CDH18: variants seen among roughly 807,000 people sequenced by gnomAD.
CDH18 encodes the protein cadherin-18.
CDH18 carries 31 observed loss-of-function variants against 67.9 expected under a neutral mutation model. The ratio of observed to expected loss-of-function variants is 0.46; its 90% CI spans 0.34 to 0.62. The LOEUF (loss-of-function observed/expected upper bound fraction) is 0.62. Ranked by LOEUF, CDH18 falls within the 20% of genes least tolerant of loss-of-function variation. CDH18 has a pLI of 0.01. For synonymous variants in CDH18, 362 were observed against 347.2 expected (o/e 1.04, Z -0.48); for missense variants, 890 against 975.5 (o/e 0.91, Z 1.17).
At chr5:20,209,313 T>C (rs1389963188) in intron 2 of CDH18, among the ~76,000 whole-genome samples, 4 of 152,110 alleles carry the variant, frequency 2.6e-5, no homozygotes, top group South Asian at 2.1e-4. Flanking sequence ...TCATGCTTAT[T>C]GCAGCACTAT....
chr5:19,664,495 C>A (rs1295874483), intron 5 of CDH18, among the ~76,000 whole-genome samples: 1 of 151,690 alleles, frequency 6.6e-6, no homozygotes, highest in Admixed American at 6.6e-5. Flanking sequence ...AACAAACAAA[C>A]AAAAGCCTGA....
chr5:20,561,625 A>AT (rs901506147), intron 1 of CDH18, among the ~76,000 whole-genome samples: 7 of 152,012 alleles, frequency 4.6e-5, no homozygotes, highest in South Asian at 2.1e-4. Context: ...AGCATAGAAG[A>AT]TTTTTTTAGG....
At chr5:20,514,835 T>C (rs1755263066) in intron 1 of CDH18, among the ~76,000 whole-genome samples, 1 of 152,180 alleles carries the variant, frequency 6.6e-6, no homozygotes, top group South Asian at 2.1e-4. Flanking sequence ...TTATTCATCT[T>C]ATTCATCTCC....
intron 2 of CDH18, among the ~76,000 whole-genome samples, chr5:20,097,796 AT>A (rs1270785238): frequency 1.3e-5 from 2 of 152,070 alleles, no homozygotes; most frequent in African/African-American, 4.8e-5. Context: ...TTCGATATCT[AT>A]TTTTAGCATA....
intron 1 of CDH18, among the ~76,000 whole-genome samples, chr5:20,379,433 A>T (rs571948780): frequency 6.6e-6 from 1 of 152,312 alleles, no homozygotes; most frequent in South Asian, 2.1e-4. Flanking sequence ...CAAAAAATAC[A>T]GTCACAACAG....
chr5:19,749,594 TA>T (rs1770567947), intron 3 of CDH18, among the ~76,000 whole-genome samples: 1 of 150,640 alleles, frequency 6.6e-6, no homozygotes. Flanking sequence ...TTATTACAGA[TA>T]CTTAAGGATA....
chr5:19,643,914 G>A (rs1416586607), intron 5 of CDH18, among the ~76,000 whole-genome samples: 6 of 152,078 alleles, frequency 3.9e-5, no homozygotes, highest in Non-Finnish European at 8.8e-5. Flanking sequence ...ATTTCACAAT[G>A]TATACATACA....
intron 2 of CDH18, among the ~76,000 whole-genome samples, chr5:19,933,009 T>A (rs1431480151): frequency 2.0e-5 from 3 of 151,798 alleles, no homozygotes; most frequent in African/African-American, 7.2e-5. Context: ...TAGGTAATAA[T>A]AATACCTAAT....
chr5:20,491,820 C>G (rs1270849590), intron 1 of CDH18, among the ~76,000 whole-genome samples: 1 of 152,170 alleles, frequency 6.6e-6, no homozygotes, highest in Non-Finnish European at 1.5e-5. Flanking sequence ...TATCTGGACA[C>G]TACTGCCTAG....
At chr5:20,505,414 T>C (rs888649421) in intron 1 of CDH18, among the ~76,000 whole-genome samples, 1 of 152,146 alleles carries the variant, frequency 6.6e-6, no homozygotes, top group Admixed American at 6.6e-5. Flanking sequence ...GCAATCTAAC[T>C]TTTTAAATTT....
Position 19,612,501 on chromosome 5 carries a change from A to G in CDH18, c.744T>C (p.Leu248=), listed in dbSNP as rs757988411. 1 of 1,613,912 alleles carries G rather than the reference A, an allele frequency of 6.2e-7. No homozygotes were observed. The part of the protein sequence containing the change: ...AKDMAGQVGG[L]SGSTTVNITL... ...TGATGTTGACTGTTGTAGATCCTGA[A>G]AGCCCTCCAACTTGCCCAGCCATGT... The change falls in exon 6 of 13, where the codon CTT becomes CTC. Residue 248 remains leucine (L), a synonymous_variant. Transcript: ENST00000382275.
intron 1 of CDH18, among the ~76,000 whole-genome samples, chr5:20,368,339 C>G (rs1742688951): frequency 1.3e-5 from 2 of 152,092 alleles, no homozygotes; most frequent in African/African-American, 4.8e-5. Flanking sequence ...TCTAAAGAAT[C>G]ACTATTTGTG....
At chr5:20,201,965 A>C (rs895678654) in intron 2 of CDH18, among the ~76,000 whole-genome samples, 2 of 152,228 alleles carry the variant, frequency 1.3e-5, no homozygotes, top group African/African-American at 4.8e-5. Flanking sequence ...TTGATTCCAG[A>C]AACAGGGAGA....
intron 2 of CDH18, among the ~76,000 whole-genome samples, chr5:19,897,533 A>T (rs1476397164): frequency 6.6e-6 from 1 of 152,156 alleles, no homozygotes; most frequent in Non-Finnish European, 1.5e-5. Flanking sequence ...ACTAAAACTG[A>T]ATATACATAT....
rs540521179 is a variant in CDH18, at chr5:19,683,114, T to A, written c.643+38233A>T. Among the ~76,000 whole-genome samples the A allele has an allele frequency of 1.6e-4, 24 of 152,062 alleles. No individual in the cohort carries two copies. In the East Asian group the frequency reaches 4.1e-3, roughly 26 times the overall value. ...AGTTCAACATATAACTCTATCTATC[T>A]ATCTATCTATCTAGACTTTAAATTT... On this transcript the variant is annotated intron_variant, in intron 5 of 12. Coordinates refer to ENST00000382275, the MANE Select transcript of CDH18 (RefSeq NM_004934.5).
intron 1 of CDH18, among the ~76,000 whole-genome samples, chr5:20,531,038 C>CA (rs1403142815): frequency 6.6e-6 from 1 of 151,916 alleles, no homozygotes; most frequent in South Asian, 2.1e-4. Flanking sequence ...AGCAAATTTA[C>CA]AAAAAATAAA....
chr5:19,490,424 T>C (rs1184222261), intron 11 of CDH18, among the ~76,000 whole-genome samples: 1 of 105,452 alleles, frequency 9.5e-6, no homozygotes, highest in Non-Finnish European at 1.9e-5. Flanking sequence ...TTTTTTTTTT[T>C]TGAGACAGAG....
At chr5:19,758,536 C>T (rs113215802) in intron 3 of CDH18, among the ~76,000 whole-genome samples, 14 of 152,298 alleles carry the variant, frequency 9.2e-5, no homozygotes, top group African/African-American at 3.4e-4. Flanking sequence ...TGTTGCAGAG[C>T]CTTCTCCTGT....
At position 19,968,534 on chromosome 5, in the gene CDH18, C is replaced by T. The variant is rs528194286; in HGVS notation, c.-257+12526G>A. On this transcript the variant is annotated intron_variant, in intron 2 of 12. Transcript: ENST00000382275. ...AACAGAACAGAGCCCTCAGAAATAA[C>T]GCCACATATCTACAACTATCAGATC... Among the ~76,000 whole-genome samples, 516 of 151,528 alleles carry T rather than the reference C, an allele frequency of 3.4e-3. 2 individuals are homozygous for T. The highest frequency in any genetic ancestry group is 0.012 in the African/African-American group (478 of 40,954).
Sources: allele counts gnomAD v4.1 joint callset (sites outside exome capture counted in the v4.1 genomes callset), GRCh38; gene constraint gnomAD v4.1.1; transcripts MANE v1.5; gene names NCBI Gene and HGNC (gene_info 2026-07-23, HGNC 2026-07-21).